The following KMT5B variants were observed in gnomAD, a reference collection of about 807,000 sequenced individuals.
The protein encoded by KMT5B is histone-lysine N-methyltransferase KMT5B.
KMT5B carries 10 observed loss-of-function variants against 83.2 expected under a neutral mutation model. That is an observed-to-expected ratio of 0.12 (90% CI 0.07 to 0.20). The LOEUF (loss-of-function observed/expected upper bound fraction) is 0.20. Ranked by LOEUF, KMT5B falls within the 10% of genes least tolerant of loss-of-function variation. KMT5B has a pLI of 1.00. For synonymous variants in KMT5B, 349 were observed against 388.8 expected (o/e 0.90, Z 1.20); for missense variants, 753 against 1,067.2 (o/e 0.71, Z 4.10).
chr11:68,158,340 G>C lies in KMT5B; in HGVS notation c.2006C>G (p.Ala669Gly). The C allele has an allele frequency of 1.2e-6, 2 of 1,614,188 alleles. No individual in the cohort carries two copies. The highest frequency in any genetic ancestry group is 1.7e-6 in the Non-Finnish European group (2 of 1,180,012). Residue 669 changes from alanine (A) to glycine (G), a missense_variant, in exon 11 of 11, where the codon GCT becomes GGT. By Grantham distance (60) the Ala-to-Gly change is moderately conservative. This residue lies in a region of KMT5B where 397 missense variants were observed against 395.9 expected (regional missense o/e 1.00). Transcript: ENST00000304363. ...AACTGAACAACCGACGGGTGAAGGAGCACAGTCTGTGTAGCTCACAGGCAC... is the reference window on the plus strand; with the variant it reads ...AACTGAACAACCGACGGGTGAAGGACCACAGTCTGTGTAGCTCACAGGCAC... Reference protein sequence around the residue: ...VGVPVSYTDCAPSPVGCSVVT... With the variant: ...VGVPVSYTDCGPSPVGCSVVT...
chr11:68,171,688 T>A lies in KMT5B; in HGVS notation c.675A>T (p.Glu225Asp), dbSNP rs1404969764. 3 of 1,612,576 alleles carry A rather than the reference T, an allele frequency of 1.9e-6. No homozygotes were observed. Among genetic ancestry groups the A allele is most frequent in the Non-Finnish European group, 1.7e-6 (2 of 1,179,408 alleles). Residue 225 changes from glutamate (E) to aspartate (D), a missense_variant, in exon 7 of 11, where the codon GAA (glutamate) becomes GAT (aspartate). Physicochemically the swap from Glu to Asp is conservative, Grantham distance 45. This residue lies in a region of KMT5B where 34 missense variants were observed against 172.5 expected (regional missense o/e 0.20). Transcript: ENST00000304363. This position sits in a 1 kb window ranked among gnomAD's most constrained non-coding sequence, Gnocchi z 5.1. The stretch of plus-strand genomic sequence containing the variant: ...GTTCGGCAATACAACCCACCAGTAA[T>A]TCTATTTTGTCATTTCGTTTCCTAT... ...TKEWKRNDKI[E>D]LLVGCIAELS...
In KMT5B at chr11:68,157,667, G is replaced by A. The variant is rs569265297; in HGVS notation, c.*21C>T. 2 of 1,516,120 alleles carry A rather than the reference G, an allele frequency of 1.3e-6. No homozygotes were observed. The highest frequency in any genetic ancestry group is 1.4e-5 in the South Asian group (1 of 73,956). 93.9% of individuals were successfully genotyped at this position (1,516,120 alleles called of 1,614,324 possible). The stretch of plus-strand genomic sequence containing the variant: ...TTATTTCTTTAAAGTAGTTATCCCA[G>A]GTCAAGTTAAGACCAAGAGCTTAGG... On this transcript the variant is annotated 3_prime_UTR_variant, in exon 11 of 11. Transcript: ENST00000304363.
At position 68,185,865 on chromosome 11, in the gene KMT5B, T is replaced by G. The variant is rs758202863; in HGVS notation, c.224A>C (p.Lys75Thr). ...TAGGTCATCATTTTCACAGAGTTCC[T>G]TGGCGGACATTCCAGAGGATGGTAC... is the stretch of plus-strand genomic sequence containing the variant. ...RYVPSSGMSA[K>T]ELCENDDLAT... is the part of the protein sequence containing the mutation. Residue 75 changes from lysine to threonine, a missense_variant, in exon 3 of 11, where the codon AAG (lysine) becomes ACG (threonine). Transcript: ENST00000304363. 1 of 1,614,170 alleles carries G rather than the reference T, an allele frequency of 6.2e-7. No individual in the cohort carries two copies. The highest frequency in any genetic ancestry group is 1.1e-5 in the South Asian group (1 of 91,082).
At chr11:68,179,500 C>T (rs1198283089) in intron 4 of KMT5B, 1 of 1,304,242 alleles carries the variant, frequency 7.7e-7, no homozygotes, top group African/African-American at 1.5e-5. Flanking sequence ...AGACTCACTT[C>T]CCAGGTTTTC....
intron 1 of KMT5B, among the ~76,000 whole-genome samples, chr11:68,194,552 C>T (rs1282434987): frequency 2.0e-5 from 3 of 152,118 alleles, no homozygotes; most frequent in Admixed American, 6.6e-5. Flanking sequence ...TTTCAATAAC[C>T]TCGTCAAGAC....
chr11:68,164,567 C>CA (rs1165886682), intron 10 of KMT5B: 2 of 461,172 alleles, frequency 4.3e-6, no homozygotes, highest in Non-Finnish European at 8.8e-6. Flanking sequence ...ACAATGGTCT[C>CA]AGAGACAACT....
At chr11:68,165,932 C>CT in intron 10 of KMT5B, 1 of 1,612,886 alleles carries the variant, frequency 6.2e-7, no homozygotes, top group South Asian at 1.1e-5. Flanking sequence ...AACACCTTCC[C>CT]TTTTCTTCAG....
At chr11:68,203,874 G>A (rs558054028) in intron 1 of KMT5B, among the ~76,000 whole-genome samples, 3 of 149,696 alleles carry the variant, frequency 2.0e-5, no homozygotes, top group African/African-American at 7.5e-5. Context: ...AATTCAAATG[G>A]TAATCAGGTA....
At chr11:68,210,762 G>A (rs1026725667) in intron 1 of KMT5B, among the ~76,000 whole-genome samples, 1 of 152,132 alleles carries the variant, frequency 6.6e-6, no homozygotes, top group East Asian at 1.9e-4. Flanking sequence ...ACAGGGTGAT[G>A]GAGCGGAGGG....
At chr11:68,179,948 C>G (rs1331482393) in intron 4 of KMT5B, 184 bp downstream of exon 4, 11 of 631,886 alleles carry the variant, frequency 1.7e-5, no homozygotes, top group South Asian at 4.7e-5. Context: ...TAAAATCACC[C>G]TGTTATGAAG....
At chr11:68,162,126 G>A (rs1237185337) in intron 10 of KMT5B, among the ~76,000 whole-genome samples, 1 of 152,132 alleles carries the variant, frequency 6.6e-6, no homozygotes, top group African/African-American at 2.4e-5. Flanking sequence ...ACTGCAACCT[G>A]TCTACTCTTC....
At chr11:68,175,730 C>G (rs1219549498) in intron 4 of KMT5B, among the ~76,000 whole-genome samples, 2 of 152,094 alleles carry the variant, frequency 1.3e-5, no homozygotes, top group Non-Finnish European at 2.9e-5. Flanking sequence ...TTTATGTACA[C>G]AGTCAGAAAA....
At chr11:68,205,407 A>C (rs577847433) in intron 1 of KMT5B, among the ~76,000 whole-genome samples, 10 of 152,342 alleles carry the variant, frequency 6.6e-5, no homozygotes, top group African/African-American at 1.9e-4. Context: ...TAGATTTTGA[A>C]AATAGAGCCA....
rs1857389289 is a variant in KMT5B at position 68,185,815 on chromosome 11, A to G, written c.274T>C (p.Tyr92His). Residue 92 changes from tyrosine (Y) to histidine (H), a missense_variant, in exon 3 of 11, where the codon TAT becomes CAT. Coordinates refer to ENST00000304363, the MANE Select transcript of KMT5B (RefSeq NM_017635.5). The part of the protein sequence containing the change: ...DLATSLVLDP[Y>H]LGFQTHKMNT... ...ATTTTGTGTGTTTGAAAACCTAAATAGGGATCAAGAACCAAACTGGTTGCT... is the reference window on the plus strand; with the variant it reads ...ATTTTGTGTGTTTGAAAACCTAAATGGGGATCAAGAACCAAACTGGTTGCT... 1 of 1,613,982 alleles carries G rather than the reference A, an allele frequency of 6.2e-7. No individual in the cohort carries two copies. The highest frequency in any genetic ancestry group is 1.7e-5 in the Admixed American group (1 of 59,990).
intron 1 of KMT5B, among the ~76,000 whole-genome samples, chr11:68,196,920 T>C (rs1036193875): frequency 1.3e-5 from 2 of 152,104 alleles, no homozygotes; most frequent in Admixed American, 6.6e-5. Flanking sequence ...AGCATAATTA[T>C]ATGAAATAGA....
Position 68,172,754 on chromosome 11 carries a change from C to T in KMT5B, c.654-1045G>A, listed in dbSNP as rs573010480. 2.6e-5 allele frequency among the ~76,000 whole-genome samples: 4 copies of T among 152,202 alleles called. No homozygotes were observed. In the South Asian group the frequency reaches 8.3e-4, roughly 32 times the overall value. ...CTCAAACCTACACACCCATCTGCAA[C>T]ACAGGGAGCCACATAATCCAACTAG... On this transcript the variant is annotated intron_variant, in intron 6 of 10. Transcript: ENST00000304363.
In KMT5B at chr11:68,167,136, C is replaced by G. The variant is rs755013136; in HGVS notation, c.1020G>C (p.Ala340=). ...ATTTGCTATTGATAACAGGAGCAGG[C>G]GCAGGCAGTCCCACTCTGGATTTAA... The part of the protein sequence containing the change: ...GAFKSRVGLP[A]PAPVINSKYG... Residue 340 remains alanine, a synonymous_variant, in exon 10 of 11, where the codon GCG becomes GCC. Coordinates refer to ENST00000304363, the MANE Select transcript of KMT5B (RefSeq NM_017635.5). 6.2e-7 allele frequency: 1 copy of G among 1,613,542 alleles called. No individual in the cohort carries two copies. Among genetic ancestry groups the G allele is most frequent in the South Asian group, 1.1e-5 (1 of 91,000 alleles).
intron 1 of KMT5B, among the ~76,000 whole-genome samples, chr11:68,207,875 T>TA (rs1460343544): frequency 6.6e-6 from 1 of 150,638 alleles, no homozygotes; most frequent in Non-Finnish European, 1.5e-5. Context: ...TGTCTCGCTC[T>TA]ATTGCCCAGG....
chr11:68,209,191 T>G (rs773236319), intron 1 of KMT5B, among the ~76,000 whole-genome samples: 10 of 152,194 alleles, frequency 6.6e-5, no homozygotes, highest in African/African-American at 9.7e-5. Flanking sequence ...ATCATACATT[T>G]CAACCGTGTT....
Sources: gnomAD v4.1 joint callset for allele counts (sites outside exome capture counted in the v4.1 genomes callset) on GRCh38, gnomAD v4.1.1 for gene constraint, gnomAD v4.1.1 regional missense constraint, Gnocchi (gnomAD v3.1) non-coding constraint, MANE v1.5 for transcripts, NCBI Gene and HGNC (gene_info 2026-07-23, HGNC 2026-07-21) for gene names.